The following SLC4A7 variants were observed in gnomAD, a reference collection of about 807,000 sequenced individuals.
SLC4A7 encodes the protein sodium bicarbonate cotransporter 3.
SLC4A7 carries 51 observed loss-of-function variants against 137.6 expected under a neutral mutation model. The ratio of observed to expected loss-of-function variants is 0.37; its 90% CI spans 0.30 to 0.47. The LOEUF is 0.47. Among genes scored for constraint, SLC4A7 ranks in the 20% least tolerant of loss-of-function variants. SLC4A7 has a pLI of 1.00. For synonymous variants in SLC4A7, 542 were observed against 518.6 expected (o/e 1.05, Z -0.61); for missense variants, 1,247 against 1,525.4 (o/e 0.82, Z 3.04).
rs35093803 is a variant in SLC4A7, at chr3:27,470,641, T to TAA, written c.60+13424_60+13425dup. Among the ~76,000 whole-genome samples the TAA allele has an allele frequency of 1.9e-3, 224 of 115,698 alleles. 1 individual carries two copies. Among genetic ancestry groups the TAA allele is most frequent in the Non-Finnish European group, 2.9e-3 (161 of 54,626 alleles). 75.9% of individuals were successfully genotyped at this position (115,698 alleles called of 152,430 possible). A position where few individuals can be genotyped will look rare whatever the true frequency, so the allele number is the denominator to read the frequency against. ...CTCATGGGCAGAGTAGCTCCAACTTTAAAAAAAAAAAAAAAAAACAGCCAG... is the reference window on the plus strand; with the variant it reads ...CTCATGGGCAGAGTAGCTCCAACTTTAAAAAAAAAAAAAAAAAAAACAGCCAG... On this transcript the variant is annotated intron_variant, in intron 1 of 25. Transcript: ENST00000454389.
At chr3:27,386,051 A>G in intron 22 of SLC4A7, 28 bp from the exon 23 acceptor site, 1 of 1,554,120 alleles carries the variant, frequency 6.4e-7, no homozygotes, top group Non-Finnish European at 8.8e-7. Context: ...GGAAATATTA[A>G]GTAACACATA....
At chr3:27,437,206 C>T (rs2056804431) in intron 4 of SLC4A7, among the ~76,000 whole-genome samples, 182 bp downstream of exon 4, 1 of 152,020 alleles carries the variant, frequency 6.6e-6, no homozygotes, top group South Asian at 2.1e-4. Context: ...CAAAAATTAG[C>T]CAGGCGTGGT....
Position 27,471,100 on chromosome 3 carries a change from T to C in SLC4A7, c.60+12967A>G, listed in dbSNP as rs187646571. 2.1e-3 allele frequency among the ~76,000 whole-genome samples: 316 copies of C among 152,342 alleles called. 2 individuals are homozygous for C. The highest frequency in any genetic ancestry group is 7.3e-3 in the African/African-American group (303 of 41,586). ...TTTACATGTCATGTATGTATGCATG[T>C]ATAAAATAAAAAGTTTCACAAAACA... On this transcript the variant is annotated intron_variant, in intron 1 of 25. Coordinates refer to ENST00000454389, the MANE Select transcript of SLC4A7 (RefSeq NM_001321103.2).
intron 17 of SLC4A7, 83 bp downstream of exon 17, chr3:27,398,109 A>G (rs1442807729): frequency 2.0e-6 from 2 of 998,636 alleles, no homozygotes; most frequent in East Asian, 2.5e-5. Flanking sequence ...CTCAAAAAAT[A>G]TATTACTGTT....
At chr3:27,435,851 C>CT (rs1346578120) in intron 5 of SLC4A7, among the ~76,000 whole-genome samples, 1 of 151,732 alleles carries the variant, frequency 6.6e-6, no homozygotes, top group Admixed American at 6.6e-5. Flanking sequence ...TGATCCCCCC[C>CT]TTAAAAAAAA....
At chr3:27,383,793 G>A (rs964302469) in intron 23 of SLC4A7, among the ~76,000 whole-genome samples, 5 of 151,998 alleles carry the variant, frequency 3.3e-5, no homozygotes, top group African/African-American at 9.7e-5. Flanking sequence ...AAATACTCTC[G>A]GCAATGTCTC....
At chr3:27,445,197 T>C in intron 3 of SLC4A7, among the ~76,000 whole-genome samples, 1 of 152,218 alleles carries the variant, frequency 6.6e-6, no homozygotes, top group East Asian at 1.9e-4. Context: ...GGTAGTTTCC[T>C]CTCACACATG....
intron 20 of SLC4A7, among the ~76,000 whole-genome samples, chr3:27,392,097 T>A (rs1270427719): frequency 3.9e-5 from 6 of 152,190 alleles, no homozygotes; most frequent in Non-Finnish European, 8.8e-5. Flanking sequence ...AGTTTCTATA[T>A]CAGATTGCTG....
At chr3:27,469,724 G>C (rs2059157329) in intron 1 of SLC4A7, among the ~76,000 whole-genome samples, 1 of 152,010 alleles carries the variant, frequency 6.6e-6, no homozygotes, top group Non-Finnish European at 1.5e-5. Flanking sequence ...TTGCACTCCA[G>C]CTTGGGCAAC....
rs757429583 is a variant in SLC4A7, at chr3:27,395,013, T to C, written c.2806A>G (p.Ile936Val). Residue 936 changes from isoleucine (I) to valine (V), a missense_variant, in exon 19 of 26, where the codon ATC becomes GTC. This residue lies in a region of SLC4A7 where 48 missense variants were observed against 97.2 expected (regional missense o/e 0.49). Coordinates refer to ENST00000454389, the MANE Select transcript of SLC4A7 (RefSeq NM_001321103.2). ...AIPALLCTIL[I>V]FMDQQITAVI... The stretch of plus-strand genomic sequence containing the variant: ...GCTGTGATTTGTTGATCCATAAAGA[T>C]GAGAATGGTACAAAGCAAAGCAGGA... 7.5e-6 allele frequency: 12 copies of C among 1,610,276 alleles called. No homozygotes were observed. The highest frequency in any genetic ancestry group is 9.3e-6 in the Non-Finnish European group (11 of 1,179,082).
At chr3:27,479,855 C>G (rs963698938) in intron 1 of SLC4A7, among the ~76,000 whole-genome samples, 6 of 152,162 alleles carry the variant, frequency 3.9e-5, no homozygotes, top group Non-Finnish European at 7.3e-5. Flanking sequence ...AACATTAACC[C>G]TATGGAAATA....
At chr3:27,459,158 T>G (rs933904685) in intron 1 of SLC4A7, among the ~76,000 whole-genome samples, 2 of 152,028 alleles carry the variant, frequency 1.3e-5, no homozygotes, top group African/African-American at 2.4e-5. Flanking sequence ...AGCATAGGGA[T>G]TTGAGTGGGA....
At chr3:27,399,320 G>A (rs1461357008) in intron 16 of SLC4A7, among the ~76,000 whole-genome samples, 4 of 152,164 alleles carry the variant, frequency 2.6e-5, no homozygotes, top group Non-Finnish European at 4.4e-5. Context: ...GACCCATCAT[G>A]AAATGAATTA....
chr3:27,415,930 T>C (rs1332468788), intron 11 of SLC4A7, among the ~76,000 whole-genome samples: 2 of 152,246 alleles, frequency 1.3e-5, no homozygotes, highest in African/African-American at 4.8e-5. Context: ...TTTACAATGA[T>C]CCTTACGCTG....
intron 1 of SLC4A7, among the ~76,000 whole-genome samples, chr3:27,473,881 T>C (rs1034339011): frequency 6.6e-6 from 1 of 151,978 alleles, no homozygotes; most frequent in Non-Finnish European, 1.5e-5. Flanking sequence ...CAAAACAAAA[T>C]TTAGAAGACT....
chr3:27,483,343 G>C (rs951365858), intron 1 of SLC4A7, among the ~76,000 whole-genome samples: 1 of 152,222 alleles, frequency 6.6e-6, no homozygotes, highest in African/African-American at 2.4e-5. Flanking sequence ...GATCTTGCTA[G>C]CTGAGTTAGA....
chr3:27,483,366 G>A (rs975635115), intron 1 of SLC4A7, among the ~76,000 whole-genome samples: 1 of 152,238 alleles, frequency 6.6e-6, no homozygotes, highest in African/African-American at 2.4e-5. Context: ...AGGAGCACCA[G>A]ACAGCTCAGG....
At chr3:27,404,735 C>T (rs192914656) in intron 14 of SLC4A7, 95 bp downstream of exon 14, 1 of 1,039,250 alleles carries the variant, frequency 9.6e-7, no homozygotes, top group Admixed American at 2.7e-5. Flanking sequence ...CATATATTGA[C>T]CAAATTACTT....
intron 1 of SLC4A7, among the ~76,000 whole-genome samples, chr3:27,459,014 A>C (rs970750890): frequency 6.6e-6 from 1 of 151,412 alleles, no homozygotes; most frequent in African/African-American, 2.4e-5. Context: ...AAATTAAATT[A>C]AAAAAAATTC....
Sources: gnomAD v4.1 joint callset for allele counts (sites outside exome capture counted in the v4.1 genomes callset) on GRCh38, gnomAD v4.1.1 for gene constraint, gnomAD v4.1.1 regional missense constraint, MANE v1.5 for transcripts, NCBI Gene and HGNC (gene_info 2026-07-23, HGNC 2026-07-21) for gene names.